Variants in COL16A1 observed in about 807,000 individuals in gnomAD.
COL16A1 encodes collagen alpha-1(XVI) chain.
COL16A1 carries 189 observed loss-of-function variants against 266.3 expected under a neutral mutation model. The observed-to-expected ratio is 0.71, with a 90% CI of 0.63 to 0.80. The LOEUF (loss-of-function observed/expected upper bound fraction) is 0.80, where lower values mean the gene tolerates loss of function less well. COL16A1 is among the 30% of genes least tolerant of loss of function. The pLI is 0.00. For synonymous variants in COL16A1, 740 were observed against 782.3 expected, an observed-to-expected ratio of 0.95 and a Z score of 0.90; for missense variants, 1,928 against 2,122.4, an observed-to-expected ratio of 0.91 and a Z score of 1.80.
chr1:31,662,595 CAGG>C lies in COL16A1; in HGVS notation c.3616_3618del (p.Pro1206del). 6.4e-7 allele frequency: 1 copy of C among 1,567,188 alleles called. No individual in the cohort carries two copies. Among genetic ancestry groups the C allele is most frequent in the Non-Finnish European group, 8.6e-7 (1 of 1,156,238 alleles). The stretch of plus-strand genomic sequence containing the variant: ...AAAGGGCACACACTCACCTGAATCC[CAGG>C]AGGTCCCGGTGGCCCAGGGGAGCCA... On this transcript the variant is annotated inframe_deletion, in exon 57 of 71. Coordinates refer to ENST00000373672, the MANE Select transcript of COL16A1 (RefSeq NM_001856.4).
chr1:31,682,787 T>C (rs190095205), intron 37 of COL16A1, 147 bp downstream of exon 37: 5 of 953,916 alleles, frequency 5.2e-6, no homozygotes, highest in Non-Finnish European at 7.9e-6. Flanking sequence ...AAGAGTGAGG[T>C]TTTCCTTGTC....
rs1020399774 is a variant in COL16A1 at position 31,656,238 on chromosome 1, A to C, written c.4101+162T>G. 8 of 1,155,536 alleles carry C rather than the reference A, an allele frequency of 6.9e-6. No individual in the cohort carries two copies. The highest frequency in any genetic ancestry group is 2.8e-5 in the Admixed American group (1 of 36,200). The allele number at this position is 1,155,536 out of a possible 1,614,324, so 71.6% of individuals were successfully genotyped here. ...CCCCCCAACCACAGCTAATGACCCC[A>C]TGTGAGAAATTTTCAGACACTATCC... On this transcript the variant is annotated intron_variant, in intron 66 of 70. Transcript: ENST00000373672. The surrounding 1 kb of genome is among the most constrained non-coding windows in gnomAD (Gnocchi z 4.2).
chr1:31,680,891 C>G lies in COL16A1; in HGVS notation c.2610+14G>C. On this transcript the variant is annotated intron_variant, in intron 39 of 70. Transcript: ENST00000373672. ...AATCCCCTAGAATATGGGTCACAGGCCCTTGGAACTCACCTTCTCTCCTCG... is the reference window on the plus strand; with the variant it reads ...AATCCCCTAGAATATGGGTCACAGGGCCTTGGAACTCACCTTCTCTCCTCG... 1 of 1,614,146 alleles carries G rather than the reference C, an allele frequency of 6.2e-7. No individual in the cohort carries two copies. Among genetic ancestry groups the G allele is most frequent in the African/African-American group, 1.3e-5 (1 of 75,030 alleles).
At chr1:31,696,228 G>A (rs753561087) in intron 8 of COL16A1, 87 bp from the exon 9 acceptor site, 2 of 1,204,384 alleles carry the variant, frequency 1.7e-6, no homozygotes, top group Non-Finnish European at 2.4e-6. Flanking sequence ...AGGGGGCATG[G>A]GCCCCAGGTA....
In COL16A1 at chr1:31,698,949, G is replaced by T. The variant is rs1405019627; in HGVS notation, c.267-343C>A. Reference sequence around the variant, plus strand: ...TCTCTACTAAAAATACAAAAAATTCGCCAGGTGTAGTGGCAGGCGCCTGTA... The same window carrying T: ...TCTCTACTAAAAATACAAAAAATTCTCCAGGTGTAGTGGCAGGCGCCTGTA... On this transcript the variant is annotated intron_variant, in intron 4 of 70. Transcript: ENST00000373672. The surrounding 1 kb of genome is among the most constrained non-coding windows in gnomAD (Gnocchi z 4.1). Among the ~76,000 whole-genome samples, 1 of 152,022 alleles carries T rather than the reference G, an allele frequency of 6.6e-6. No individual in the cohort carries two copies. Among genetic ancestry groups the T allele is most frequent in the Non-Finnish European group, 1.5e-5 (1 of 68,004 alleles).
In COL16A1 at chr1:31,688,482, C is replaced by A. The variant is rs755810193; in HGVS notation, c.1788G>T (p.Gly596=). 9.9e-6 allele frequency: 16 copies of A among 1,614,000 alleles called. No individual in the cohort carries two copies. The African/African-American group carries it at 2.1e-4, about 22-fold the overall frequency. The change falls in exon 26 of 71, where the codon GGG becomes GGT. Residue 596 remains glycine, a synonymous_variant. Transcript: ENST00000373672. This position sits in a 1 kb window ranked among gnomAD's most constrained non-coding sequence, Gnocchi z 4.9. ...CAGGTCTCACCTTCTCTCCTTTCAG[C>A]CCTGGAACCCCAGCTCTACCCTGAA... ...PGLPGRAGVP[G]LKGEKGNFGE...
chr1:31,677,421 A>T (rs1643281945), intron 42 of COL16A1, among the ~76,000 whole-genome samples: 1 of 152,210 alleles, frequency 6.6e-6, no homozygotes, highest in Non-Finnish European at 1.5e-5. Context: ...TTAAATCATT[A>T]TTCATCCCTT....
rs866515794 is a variant in COL16A1, at chr1:31,656,612, A to G, written c.4057-168T>C. ...GCCTCCCTGCCCAGCTGGAAGGGAAAATAATGTCCTCTGGGGCATGGCCTT... is the reference window on the plus strand; with the variant it reads ...GCCTCCCTGCCCAGCTGGAAGGGAAGATAATGTCCTCTGGGGCATGGCCTT... On this transcript the variant is annotated intron_variant, in intron 65 of 70. Coordinates refer to ENST00000373672, the MANE Select transcript of COL16A1 (RefSeq NM_001856.4). The surrounding 1 kb of genome is among the most constrained non-coding windows in gnomAD (Gnocchi z 4.2). Among the ~76,000 whole-genome samples, 3 of 152,120 alleles carry G rather than the reference A, an allele frequency of 2.0e-5. No individual in the cohort carries two copies. The highest frequency in any genetic ancestry group is 7.2e-5 in the African/African-American group (3 of 41,416).
In COL16A1 at chr1:31,684,535, T is replaced by C. The variant is rs1489248719; in HGVS notation, c.2148A>G (p.Pro716=). 3 of 1,612,482 alleles carry C rather than the reference T, an allele frequency of 1.9e-6. No individual in the cohort carries two copies. The highest frequency in any genetic ancestry group is 2.7e-5 in the African/African-American group (2 of 74,830). Residue 716 remains proline, a synonymous_variant, in exon 31 of 71, where the codon CCA becomes CCG. Transcript: ENST00000373672. Reference sequence around the variant, plus strand: ...CCGCCTGACTAACCTTTTCTCCTTTTGGCCCCGCGGGGCCCTGAACTCCAG... The same window carrying C: ...CCGCCTGACTAACCTTTTCTCCTTTCGGCCCCGCGGGGCCCTGAACTCCAG... ...GEPGVQGPAG[P]KGEKGDGCTA...
chr1:31,681,716 C>A (rs1218984845), intron 37 of COL16A1, among the ~76,000 whole-genome samples: 1 of 152,242 alleles, frequency 6.6e-6, no homozygotes, highest in Non-Finnish European at 1.5e-5. Flanking sequence ...AGAAGCCAGC[C>A]TGGCCACGCA....
intron 58 of COL16A1, 138 bp downstream of exon 58, chr1:31,662,196 A>G: frequency 6.7e-7 from 1 of 1,483,140 alleles, no homozygotes; most frequent in Non-Finnish European, 9.2e-7. Flanking sequence ...GTAGAGGGAG[A>G]CAGACCGAGG....
At position 31,668,811 on chromosome 1, in the gene COL16A1, C is replaced by A. The variant is rs1288401666; in HGVS notation, c.3240G>T (p.Lys1080Asn). The A allele has an allele frequency of 1.9e-6, 3 of 1,613,802 alleles. No homozygotes were observed. The highest frequency in any genetic ancestry group is 1.6e-4 in the Middle Eastern group (1 of 6,080). ...ERGLTGLTGD[K>N]GEPGPPGQPG... is the part of the protein sequence containing the mutation. The stretch of plus-strand genomic sequence containing the variant: ...GCCAGCTTCTTCTTACCGGCTCCCC[C>A]TTGTCTCCAGTCAGGCCCGTGAGAC... Residue 1080 changes from lysine to asparagine, a missense_variant, in exon 50 of 71, where the codon AAG (lysine) becomes AAT (asparagine). By Grantham distance (94) the Lys-to-Asn change is moderately conservative (BLOSUM62 0). Around this residue, in one of 2 missense-constraint regions of COL16A1, gnomAD observed 1,552 missense variants for 1,637.2 expected, o/e 0.95. Transcript: ENST00000373672. This position sits in a 1 kb window ranked among gnomAD's most constrained non-coding sequence, Gnocchi z 5.8.
In COL16A1 at chr1:31,656,512, G is replaced by A; in HGVS notation, c.4057-68C>T. ...TCTGAGGCTCCCTGGGGAGGCAGGT[G>A]CAGTGAAGAGGCCCCTTCCACAGCC... On this transcript the variant is annotated intron_variant, in intron 65 of 70. Transcript: ENST00000373672. The surrounding 1 kb of genome is among the most constrained non-coding windows in gnomAD (Gnocchi z 4.2). 6.3e-7 allele frequency: 1 copy of A among 1,581,528 alleles called. No homozygotes were observed. Among genetic ancestry groups the A allele is most frequent in the Non-Finnish European group, 8.6e-7 (1 of 1,163,942 alleles).
Position 31,664,886 on chromosome 1 carries a change from A to C in COL16A1, c.3555+286T>G, listed in dbSNP as rs1641993722. Among the ~76,000 whole-genome samples the C allele has an allele frequency of 6.6e-6, 1 of 150,524 alleles. No homozygotes were observed. Among genetic ancestry groups the C allele is most frequent in the Non-Finnish European group, 1.5e-5 (1 of 67,568 alleles). ...CCATCAGACCCCCTGCCTCCTCCCCACCTACCTCCCTGCCTTTCCCCCCAT... is the reference window on the plus strand; with the variant it reads ...CCATCAGACCCCCTGCCTCCTCCCCCCCTACCTCCCTGCCTTTCCCCCCAT... On this transcript the variant is annotated intron_variant, in intron 56 of 70. Coordinates refer to ENST00000373672, the MANE Select transcript of COL16A1 (RefSeq NM_001856.4). The surrounding 1 kb of genome is among the most constrained non-coding windows in gnomAD (Gnocchi z 5.5).
At chr1:31,699,257 G>A (rs1038134719) in intron 4 of COL16A1, among the ~76,000 whole-genome samples, 4 of 152,176 alleles carry the variant, frequency 2.6e-5, no homozygotes, top group Admixed American at 6.5e-5. Context: ...TTTCGCTATC[G>A]CATTGCAATT....
chr1:31,652,827 T>G lies in COL16A1; in HGVS notation c.4639A>C (p.Lys1547Gln). ...CCCATTGGTCCTGTTGCACCCATCTTGCCATAGCCTGGAGGACCTTGAGGA... is the reference window on the plus strand; with the variant it reads ...CCCATTGGTCCTGTTGCACCCATCTGGCCATAGCCTGGAGGACCTTGAGGA... ...PGPQGPPGYGKMGATGPMGQQ... is the reference protein window; with the variant it reads ...PGPQGPPGYGQMGATGPMGQQ... Residue 1547 changes from lysine (K) to glutamine (Q), a missense_variant, in exon 71 of 71, where the codon AAG becomes CAG. Physicochemically the swap from Lys to Gln is moderately conservative, Grantham distance 53 (BLOSUM62 1). Around this residue, in one of 2 missense-constraint regions of COL16A1, gnomAD observed 376 missense variants for 485.2 expected, o/e 0.77. Coordinates refer to ENST00000373672, the MANE Select transcript of COL16A1 (RefSeq NM_001856.4). This position sits in a 1 kb window ranked among gnomAD's most constrained non-coding sequence, Gnocchi z 4.8. 1 of 1,560,406 alleles carries G rather than the reference T, an allele frequency of 6.4e-7. No individual in the cohort carries two copies. The highest frequency in any genetic ancestry group is 8.6e-7 in the Non-Finnish European group (1 of 1,157,012).
Position 31,670,507 on chromosome 1 carries a change from A to G in COL16A1, c.3195+95T>C. On this transcript the variant is annotated intron_variant, in intron 49 of 70. Coordinates refer to ENST00000373672, the MANE Select transcript of COL16A1 (RefSeq NM_001856.4). The surrounding 1 kb of genome is among the most constrained non-coding windows in gnomAD (Gnocchi z 4.5). Reference sequence around the variant, plus strand: ...TGAAGGGGGACAACAAACACGGAGGACGGAGGTGAAGGCACGACAGGAGGG... The same window carrying G: ...TGAAGGGGGACAACAAACACGGAGGGCGGAGGTGAAGGCACGACAGGAGGG... The G allele has an allele frequency of 7.8e-7, 1 of 1,285,666 alleles. No individual in the cohort carries two copies. Among genetic ancestry groups the G allele is most frequent in the Non-Finnish European group, 9.9e-7 (1 of 1,005,298 alleles). The allele number at this position is 1,285,666 out of a possible 1,614,324, so 79.6% of individuals were successfully genotyped here.
At chr1:31,691,352 C>A (rs1478446748) in intron 19 of COL16A1, 65 bp downstream of exon 19, 1 of 1,583,494 alleles carries the variant, frequency 6.3e-7, no homozygotes. Context: ...CCCGTTCATT[C>A]CCTGGCCAGG....
rs1330249629 is a variant in COL16A1, at chr1:31,698,095, G to C, written c.468C>G (p.Cys156Trp). ...CGAAGAGCTGGGGCACTGGGAAGAT[G>C]CAGGACACAAAGTCGCCATCCTGGC... ...AQGQDGDFVS[C>W]IFPVPQLFDL... is the part of the protein sequence containing the mutation. Residue 156 changes from cysteine to tryptophan, a missense_variant, in exon 6 of 71, where the codon TGC becomes TGG. This residue lies in a region of COL16A1 where 1,552 missense variants were observed against 1,637.2 expected (regional missense o/e 0.95). Transcript: ENST00000373672. The surrounding 1 kb of genome is among the most constrained non-coding windows in gnomAD (Gnocchi z 4.1). The C allele has an allele frequency of 1.2e-6, 2 of 1,613,996 alleles. No individual in the cohort carries two copies. The highest frequency in any genetic ancestry group is 3.3e-5 in the Admixed American group (2 of 60,022).
Sources: allele counts gnomAD v4.1 joint callset (sites outside exome capture counted in the v4.1 genomes callset), GRCh38; gene constraint gnomAD v4.1.1; regional missense constraint gnomAD v4.1.1; non-coding constraint Gnocchi (gnomAD v3.1); transcripts MANE v1.5; gene names NCBI Gene and HGNC (gene_info 2026-07-23, HGNC 2026-07-21).